Variants in ERG observed in about 807,000 individuals in gnomAD.
ERG encodes the protein transcriptional regulator ERG.
A neutral mutation model predicts 55.3 loss-of-function variants in ERG; 9 were observed. That is an observed-to-expected ratio of 0.16 (90% CI 0.10 to 0.28). The LOEUF is 0.28. ERG is among the 10% of genes least tolerant of loss of function. The pLI is 1.00. For missense variants in ERG, 434 were observed against 631.6 expected (o/e 0.69, Z 3.35); for synonymous variants, 223 against 237.3 (o/e 0.94, Z 0.55).
At position 38,471,075 on chromosome 21, in the gene ERG, A is replaced by G. The variant is rs980590182; in HGVS notation, c.19-25454T>C. On this transcript the variant is annotated intron_variant, in intron 1 of 9. Transcript: ENST00000288319. ...CAGAGGTTGCCAGTGAGCAGTGCAT[A>G]AGATTAGAGATTTTGTAAAAACATG... 2.0e-5 allele frequency: 3 copies of G among 152,334 alleles called. No individual in the cohort carries two copies. The East Asian group carries it at 5.8e-4, about 29-fold the overall frequency. The allele number at this position is 152,334 out of a possible 1,614,324, so 9.4% of individuals were successfully genotyped here.
chr21:38,383,527 G>T lies in ERG; in HGVS notation c.1316C>A (p.Pro439His), dbSNP rs756376317. 1 of 1,570,706 alleles carries T rather than the reference G, an allele frequency of 6.4e-7. No homozygotes were observed. The highest frequency in any genetic ancestry group is 1.2e-5 in the South Asian group (1 of 84,268). The change falls in exon 10 of 10, where the codon CCC becomes CAC. Residue 439 changes from proline (P) to histidine (H), a missense_variant. Coordinates refer to ENST00000288319, the MANE Select transcript of ERG (RefSeq NM_182918.4). The surrounding 1 kb of genome is among the most constrained non-coding windows in gnomAD (Gnocchi z 5.7). ...NFVAPHPPAL[P>H]VTSSSFFAAP... ...AGCAAAAAAACTGGAAGATGTCACGGGGAGGGCTGGAGGGTGGGGCGCCAC... is the reference window on the plus strand; with the variant it reads ...AGCAAAAAAACTGGAAGATGTCACGTGGAGGGCTGGAGGGTGGGGCGCCAC...
intron 6 of ERG, among the ~76,000 whole-genome samples, chr21:38,394,655 G>A (rs1406449033): frequency 2.6e-5 from 4 of 152,172 alleles, no homozygotes; most frequent in African/African-American, 4.8e-5. Context: ...CCTGGCCTCA[G>A]AATCAGCATT....
intron 1 of ERG, among the ~76,000 whole-genome samples, chr21:38,594,113 C>T (rs1003449166): frequency 2.0e-5 from 3 of 152,104 alleles, no homozygotes; most frequent in Non-Finnish European, 2.9e-5. Flanking sequence ...TAGTTCTATA[C>T]CCATCGGCTT....
intron 3 of ERG, among the ~76,000 whole-genome samples, chr21:38,406,032 G>A (rs1263480446): frequency 6.6e-6 from 1 of 151,732 alleles, no homozygotes. Flanking sequence ...GCGGGTGCCT[G>A]TAGTCTCAGC....
chr21:38,397,216 A>C (rs1988263812), intron 6 of ERG, among the ~76,000 whole-genome samples: 1 of 151,606 alleles, frequency 6.6e-6, no homozygotes, highest in Admixed American at 6.6e-5. Context: ...GAACTGACAC[A>C]GCAGCAGCGA....
chr21:38,385,531 C>CA (rs1987655520), intron 9 of ERG, among the ~76,000 whole-genome samples: 1 of 152,224 alleles, frequency 6.6e-6, no homozygotes, highest in Admixed American at 6.5e-5. Context: ...ATGTTGGCTA[C>CA]ATGGACATGG....
chr21:38,529,954 G>A (rs1050121933), intron 2 of ERG, among the ~76,000 whole-genome samples: 4 of 152,072 alleles, frequency 2.6e-5, no homozygotes, highest in Admixed American at 6.5e-5. Context: ...TGACAAGAGC[G>A]AAACTCCGTC....
At chr21:38,515,458 G>A (rs574264358) in intron 2 of ERG, among the ~76,000 whole-genome samples, 1 of 151,908 alleles carries the variant, frequency 6.6e-6, no homozygotes, top group South Asian at 2.1e-4. Context: ...AAAAGTCAAG[G>A]ACCAGATGGT....
At chr21:38,637,054 G>A (rs1026461805) in intron 1 of ERG, among the ~76,000 whole-genome samples, 5 of 152,126 alleles carry the variant, frequency 3.3e-5, no homozygotes, top group African/African-American at 7.2e-5. Context: ...GCTTGGAACC[G>A]CACGCTGGTC....
chr21:38,646,046 A>C (rs1002055368), intron 1 of ERG, among the ~76,000 whole-genome samples: 2 of 152,176 alleles, frequency 1.3e-5, no homozygotes, highest in African/African-American at 4.8e-5. Context: ...TGAGAGGCCA[A>C]GGAGGGCGGA....
At chr21:38,660,658 C>T (rs990215560) in intron 1 of ERG, 1 of 152,012 alleles carries the variant, frequency 6.6e-6, no homozygotes, top group East Asian at 1.9e-4. Flanking sequence ...TCGGCGCCGA[C>T]GGGCTCAGCC....
intron 2 of ERG, among the ~76,000 whole-genome samples, chr21:38,438,202 T>C (rs547575752): frequency 1.4e-4 from 21 of 152,336 alleles, no homozygotes; most frequent in Non-Finnish European, 2.5e-4. Flanking sequence ...CACTTTTTTG[T>C]GATCTTCTCC....
intron 2 of ERG, among the ~76,000 whole-genome samples, chr21:38,541,506 T>A (rs905708285): frequency 1.4e-4 from 22 of 152,202 alleles, no homozygotes; most frequent in African/African-American, 5.1e-4. Context: ...AAAATAAACC[T>A]TAAATGACTG....
intron 1 of ERG, among the ~76,000 whole-genome samples, chr21:38,472,665 G>A (rs559027867): frequency 2.0e-5 from 3 of 152,330 alleles, no homozygotes; most frequent in African/African-American, 7.2e-5. Context: ...ATGAAGCCCT[G>A]AGAGTCAGGA....
At chr21:38,569,613 G>C (rs2059944897) in intron 2 of ERG, among the ~76,000 whole-genome samples, 1 of 152,130 alleles carries the variant, frequency 6.6e-6, no homozygotes, top group Non-Finnish European at 1.5e-5. Context: ...GCAATTTAAA[G>C]AATAAGAAGC....
intron 1 of ERG, among the ~76,000 whole-genome samples, chr21:38,607,909 A>G (rs1399563061): frequency 1.3e-5 from 2 of 152,176 alleles, no homozygotes; most frequent in Non-Finnish European, 2.9e-5. Context: ...GCTTGATGTC[A>G]GACTTTGTTA....
chr21:38,530,753 T>G (rs751202901), intron 2 of ERG, among the ~76,000 whole-genome samples: 4 of 152,236 alleles, frequency 2.6e-5, no homozygotes, highest in Non-Finnish European at 4.4e-5. Flanking sequence ...ATAGGACTCA[T>G]TTTATACCTT....
At chr21:38,376,265 T>C (rs1013845782), downstream of ERG, among the ~76,000 whole-genome samples, 2 of 152,212 alleles carry the variant, frequency 1.3e-5, no homozygotes, top group African/African-American at 4.8e-5. Flanking sequence ...GGGAGGGGTT[T>C]CTTCTAAAGA....
intron 4 of ERG, 127 bp from the exon 5 acceptor site, chr21:38,402,764 C>T: frequency 3.1e-6 from 2 of 653,146 alleles, no homozygotes; most frequent in Admixed American, 3.3e-5. Flanking sequence ...ACCGTTCCCC[C>T]ACTCCCACAC....
Sources: allele counts gnomAD v4.1 joint callset (sites outside exome capture counted in the v4.1 genomes callset), GRCh38; gene constraint gnomAD v4.1.1; non-coding constraint Gnocchi (gnomAD v3.1); transcripts MANE v1.5; gene names NCBI Gene and HGNC (gene_info 2026-07-23, HGNC 2026-07-21).